The following SCLT1 variants were observed in gnomAD, a reference collection of about 807,000 sequenced individuals.
The protein encoded by SCLT1 is sodium channel and clathrin linker 1.
In SCLT1, 78 loss-of-function variants were observed where a neutral mutation model predicts 112.8. That is an observed-to-expected ratio of 0.69 (90% CI 0.58 to 0.83). The LOEUF (loss-of-function observed/expected upper bound fraction) is 0.83. SCLT1 is among the 40% of genes least tolerant of loss of function. SCLT1 has a pLI of 0.00. For missense variants in SCLT1, 747 were observed against 770.4 expected (o/e 0.97, Z 0.36); for synonymous variants, 257 against 254.7 (o/e 1.01, Z -0.09).
intron 2 of SCLT1, among the ~76,000 whole-genome samples, chr4:129,063,813 T>C (rs769472204): frequency 2.6e-5 from 4 of 152,158 alleles, no homozygotes; most frequent in Admixed American, 2.0e-4. Flanking sequence ...CCCATTATTC[T>C]GGGTGAGTCA....
At chr4:128,986,467 G>A (rs1294056726) in intron 9 of SCLT1, among the ~76,000 whole-genome samples, 1 of 152,046 alleles carries the variant, frequency 6.6e-6, no homozygotes, top group Non-Finnish European at 1.5e-5. Context: ...GTGCACTTAG[G>A]GTACAATACA....
chr4:129,007,269 T>C (rs1744111739), intron 5 of SCLT1, among the ~76,000 whole-genome samples: 2 of 152,200 alleles, frequency 1.3e-5, no homozygotes, highest in African/African-American at 4.8e-5. Flanking sequence ...CTTAATTGCA[T>C]TATTCAAATA....
intron 5 of SCLT1, among the ~76,000 whole-genome samples, chr4:129,031,850 T>C (rs1746752908): frequency 6.6e-6 from 1 of 152,144 alleles, no homozygotes; most frequent in South Asian, 2.1e-4. Context: ...ATAGGAAGAA[T>C]TAATATTGTG....
At chr4:128,998,748 G>T (rs2126080542) in intron 7 of SCLT1, among the ~76,000 whole-genome samples, 1 of 151,728 alleles carries the variant, frequency 6.6e-6, no homozygotes, top group Middle Eastern at 3.4e-3. Context: ...GCCAGGGCAT[G>T]TAAAGAAAAA....
chr4:129,089,622 A>C (rs1419289938), intron 1 of SCLT1, among the ~76,000 whole-genome samples: 1 of 152,248 alleles, frequency 6.6e-6, no homozygotes, highest in East Asian at 1.9e-4. Flanking sequence ...CCAAATGTCC[A>C]TCAATGATAG....
intron 5 of SCLT1, among the ~76,000 whole-genome samples, chr4:129,027,505 T>G (rs1177647594): frequency 6.6e-6 from 1 of 152,136 alleles, no homozygotes; most frequent in African/African-American, 2.4e-5. Context: ...CTCAATAAAT[T>G]AGGTATTGAT....
At chr4:128,936,061 T>C (rs1579427502) in intron 18 of SCLT1, among the ~76,000 whole-genome samples, 1 of 152,174 alleles carries the variant, frequency 6.6e-6, no homozygotes, top group Non-Finnish European at 1.5e-5. Flanking sequence ...ACTTGGACTA[T>C]CATAGTACTA....
chr4:128,996,908 T>C (rs1743059737), intron 8 of SCLT1, among the ~76,000 whole-genome samples: 1 of 151,946 alleles, frequency 6.6e-6, no homozygotes, highest in South Asian at 2.1e-4. Flanking sequence ...ATGATACAAT[T>C]CCAATTCTAG....
intron 17 of SCLT1, among the ~76,000 whole-genome samples, chr4:128,938,096 G>A (rs915925247): frequency 2.0e-5 from 3 of 152,178 alleles, no homozygotes; most frequent in African/African-American, 7.2e-5. Flanking sequence ...GAAGTATAAA[G>A]AACACTTATT....
chr4:128,998,971 T>C (rs1381831257), intron 7 of SCLT1, among the ~76,000 whole-genome samples: 1 of 151,880 alleles, frequency 6.6e-6, no homozygotes, highest in African/African-American at 2.4e-5. Context: ...TCCTCCATAG[T>C]GCTCAATGCA....
At chr4:129,068,667 G>C (rs1159978236) in intron 2 of SCLT1, among the ~76,000 whole-genome samples, 3 of 152,056 alleles carry the variant, frequency 2.0e-5, no homozygotes, top group Admixed American at 2.0e-4. Context: ...TAGATTCTGG[G>C]TATTAGTCCT....
chr4:129,033,586 AAG>A (rs1746938064), intron 5 of SCLT1, among the ~76,000 whole-genome samples: 1 of 151,712 alleles, frequency 6.6e-6, no homozygotes. Context: ...ATAAAAATGA[AAG>A]AGGGGAGGGG....
chr4:129,072,371 G>A (rs533019393), intron 2 of SCLT1, among the ~76,000 whole-genome samples: 27 of 152,134 alleles, frequency 1.8e-4, no homozygotes, highest in Non-Finnish European at 2.9e-4. Context: ...GGCCAAGGAA[G>A]TTTTCCTCAA....
intron 18 of SCLT1, among the ~76,000 whole-genome samples, chr4:128,909,771 G>A (rs1379220006): frequency 3.3e-5 from 5 of 152,200 alleles, no homozygotes; most frequent in Admixed American, 3.3e-4. Context: ...AGCACTTTTG[G>A]TTTATTGGGG....
At chr4:129,092,353 A>C (rs1463146240) in intron 1 of SCLT1, among the ~76,000 whole-genome samples, 1 of 152,220 alleles carries the variant, frequency 6.6e-6, no homozygotes, top group African/African-American at 2.4e-5. Context: ...CCTCAGTGTC[A>C]CAAATATTGT....
intron 18 of SCLT1, among the ~76,000 whole-genome samples, chr4:128,918,944 T>G (rs757635774): frequency 1.3e-5 from 2 of 152,178 alleles, no homozygotes; most frequent in Non-Finnish European, 2.9e-5. Flanking sequence ...CTTAGAGACC[T>G]ACAAAGAGAC....
chr4:128,988,973 T>A (rs995619794), intron 9 of SCLT1, among the ~76,000 whole-genome samples: 68 of 152,064 alleles, frequency 4.5e-4, no homozygotes, highest in African/African-American at 1.5e-3. Context: ...AACATCCAGA[T>A]AATATAAAGC....
intron 9 of SCLT1, among the ~76,000 whole-genome samples, chr4:128,985,308 ATT>A (rs1325154444): frequency 6.6e-6 from 1 of 152,220 alleles, no homozygotes; most frequent in Non-Finnish European, 1.5e-5. Flanking sequence ...TTGAATATAT[ATT>A]GATATATCCA....
intron 14 of SCLT1, among the ~76,000 whole-genome samples, chr4:128,949,407 T>A (rs1251552762): frequency 1.3e-5 from 2 of 151,934 alleles, no homozygotes; most frequent in Non-Finnish European, 2.9e-5. Context: ...ACTTTAAGTT[T>A]TAGGGTACAT....
Sources: allele counts gnomAD v4.1 joint callset (sites outside exome capture counted in the v4.1 genomes callset), GRCh38; gene constraint gnomAD v4.1.1; transcripts MANE v1.5; gene names NCBI Gene and HGNC (gene_info 2026-07-23, HGNC 2026-07-21).